SAMD5: variants seen among roughly 807,000 people sequenced by gnomAD.
SAMD5 encodes the protein sterile alpha motif domain-containing protein 5.
A neutral mutation model predicts 11.3 loss-of-function variants in SAMD5; 13 were observed. The observed-to-expected ratio is 1.15, with a 90% CI of 0.75 to 1.83. SAMD5 has a LOEUF of 1.83. SAMD5 is among the 40% of genes most tolerant of loss of function. SAMD5 has a pLI of 0.00. For missense variants in SAMD5, 255 were observed against 239.1 expected (o/e 1.07, Z -0.44); for synonymous variants, 129 against 111.3 (o/e 1.16, Z -1.00).
At chr6:147,879,082 T>C in the SAMD5 span, among the ~76,000 whole-genome samples, 1 of 152,226 alleles carries the variant, frequency 6.6e-6, no homozygotes, top group Non-Finnish European at 1.5e-5. Flanking sequence ...ATGAAAACAC[T>C]TTCCTGTAAT....
At chr6:147,752,279 A>G in the SAMD5 span, among the ~76,000 whole-genome samples, 1 of 152,194 alleles carries the variant, frequency 6.6e-6, no homozygotes, top group Non-Finnish European at 1.5e-5. Context: ...CAACAGAGAA[A>G]CACCAGGCCT....
At chr6:147,559,425 A>G (rs890486456) in intron 1 of SAMD5, among the ~76,000 whole-genome samples, 1 of 152,190 alleles carries the variant, frequency 6.6e-6, no homozygotes. Context: ...AAGCAGTAGG[A>G]AAATGTCCAG....
intron 1 of SAMD5, among the ~76,000 whole-genome samples, chr6:147,693,473 A>G (rs1389401017): frequency 2.0e-5 from 3 of 152,228 alleles, no homozygotes; most frequent in Admixed American, 6.5e-5. Flanking sequence ...TAAGGGGCAG[A>G]GAGGGGAGGA....
chr6:147,708,897 G>C (rs1254572810), intron 1 of SAMD5, among the ~76,000 whole-genome samples: 2 of 152,154 alleles, frequency 1.3e-5, no homozygotes, highest in East Asian at 3.9e-4. Context: ...AGTCTGTCTG[G>C]TTTTGTTGGA....
At chr6:147,620,880 A>C (rs1446254019) in intron 1 of SAMD5, among the ~76,000 whole-genome samples, 3 of 152,132 alleles carry the variant, frequency 2.0e-5, no homozygotes, top group Admixed American at 2.0e-4. Flanking sequence ...GAAGGGAGAC[A>C]AAGTTAGAAG....
chr6:147,750,638 G>A, the SAMD5 span, among the ~76,000 whole-genome samples: 2 of 152,122 alleles, frequency 1.3e-5, no homozygotes, highest in South Asian at 4.1e-4. Context: ...AAACACAGAT[G>A]ACTGGGCCCG....
chr6:147,589,703 A>T lies in SAMD5; in HGVS notation c.162+80316A>T, dbSNP rs147520471. 3.9e-5 allele frequency among the ~76,000 whole-genome samples: 6 copies of T among 152,320 alleles called. No individual in the cohort carries two copies. The East Asian group carries it at 1.2e-3, about 29-fold the overall frequency. ...TTAAGGCTGTGACAGCATTAAACAC[A>T]TTGATAAATATAGTCTTAAAATATA... On this transcript the variant is annotated intron_variant, in intron 1 of 1. Transcript: ENST00000566741.
chr6:147,909,112 G>A, the SAMD5 span, among the ~76,000 whole-genome samples: 5 of 152,204 alleles, frequency 3.3e-5, no homozygotes, highest in Non-Finnish European at 7.3e-5. Flanking sequence ...CAGAGGCTGA[G>A]GCAGGAGGAT....
chr6:147,857,273 TG>T, the SAMD5 span, among the ~76,000 whole-genome samples: 5 of 149,326 alleles, frequency 3.3e-5, no homozygotes, highest in Middle Eastern at 3.2e-3. Context: ...GAGGCCAAGG[TG>T]GAAGGATTGC....
rs112265566 is a variant in SAMD5 at position 147,606,978 on chromosome 6, A to C, written c.162+97591A>C. 9.6e-4 allele frequency among the ~76,000 whole-genome samples: 143 copies of C among 148,226 alleles called. 2 individuals carry two copies. The highest frequency in any genetic ancestry group is 3.1e-3 in the African/African-American group (120 of 39,118). On this transcript the variant is annotated intron_variant, in intron 1 of 1. Transcript: ENST00000566741. ...CAGCTTTATCCAAAAAAAAAAAAAA[A>C]CAGAAAGAGAAGTATATGAAGTCCT...
rs150102292 is a variant in SAMD5, at chr6:147,521,553, T to G, written c.459+12166T>G. 5.1e-4 allele frequency among the ~76,000 whole-genome samples: 77 copies of G among 152,222 alleles called. 1 individual carries two copies. Among genetic ancestry groups the G allele is most frequent in the South Asian group, 1.2e-3 (6 of 4,824 alleles). On this transcript the variant is annotated intron_variant, in intron 1 of 1. Coordinates refer to ENST00000367474, the MANE Select transcript of SAMD5 (RefSeq NM_001030060.3). ...AAATTGTCAATTCTTTCTTTACTGT[T>G]TACTTGAATAAGTTATTTAGTCTTT... is the stretch of plus-strand genomic sequence containing the variant.
chr6:147,780,446 G>C, the SAMD5 span, among the ~76,000 whole-genome samples: 1 of 152,126 alleles, frequency 6.6e-6, no homozygotes, highest in Non-Finnish European at 1.5e-5. Flanking sequence ...GACCTCAGGT[G>C]ATCCGCCCAT....
the SAMD5 span, among the ~76,000 whole-genome samples, chr6:147,875,815 C>T: frequency 6.6e-6 from 1 of 152,174 alleles, no homozygotes; most frequent in African/African-American, 2.4e-5. Flanking sequence ...CTCCCATCAA[C>T]CCCAGATGGG....
chr6:147,679,509 T>C (rs193194542), intron 1 of SAMD5, among the ~76,000 whole-genome samples: 151 of 152,264 alleles, frequency 9.9e-4, no homozygotes, highest in African/African-American at 3.2e-3. Flanking sequence ...TTTCATATTA[T>C]TGAGTTTTGA....
the SAMD5 span, among the ~76,000 whole-genome samples, chr6:147,865,655 AG>A: frequency 6.6e-5 from 10 of 152,150 alleles, no homozygotes; most frequent in African/African-American, 2.2e-4. Context: ...GCTTTGAATA[AG>A]GGTTTTTCTT....
chr6:147,552,459 G>A (rs1464757582), intron 1 of SAMD5, among the ~76,000 whole-genome samples: 2 of 152,146 alleles, frequency 1.3e-5, no homozygotes, highest in Non-Finnish European at 2.9e-5. Flanking sequence ...ATTCCCCTGG[G>A]AAAGTGGCTC....
chr6:147,845,556 T>G, the SAMD5 span, among the ~76,000 whole-genome samples: 1 of 151,846 alleles, frequency 6.6e-6, no homozygotes, highest in Non-Finnish European at 1.5e-5. Context: ...TAAAAAACAA[T>G]AAAAATGAGC....
At chr6:147,672,403 A>G (rs1790807328) in intron 1 of SAMD5, among the ~76,000 whole-genome samples, 1 of 152,188 alleles carries the variant, frequency 6.6e-6, no homozygotes, top group Non-Finnish European at 1.5e-5. Context: ...ATAAAATATA[A>G]AGAGAAAATG....
At chr6:147,577,961 A>T (rs1372632204) in intron 1 of SAMD5, among the ~76,000 whole-genome samples, 2 of 152,208 alleles carry the variant, frequency 1.3e-5, no homozygotes, top group Non-Finnish European at 2.9e-5. Flanking sequence ...AGAATCAGGT[A>T]CACTATTACA....
Sources: allele counts gnomAD v4.1 joint callset (sites outside exome capture counted in the v4.1 genomes callset), GRCh38; gene constraint gnomAD v4.1.1; transcripts MANE v1.5; gene names NCBI Gene and HGNC (gene_info 2026-07-23, HGNC 2026-07-21).